The following MAP3K19 variants were observed in gnomAD, a reference collection of about 807,000 sequenced individuals.
The protein encoded by MAP3K19 is mitogen-activated protein kinase kinase kinase 19, also known as SPS1/STE20-related protein kinase YSK4.
A neutral mutation model predicts 114.4 loss-of-function variants in MAP3K19; 91 were observed. The observed-to-expected ratio is 0.80, with a 90% CI of 0.67 to 0.95. The LOEUF (loss-of-function observed/expected upper bound fraction) is 0.95. Ranked by LOEUF, MAP3K19 falls within the 40% of genes least tolerant of loss-of-function variation. MAP3K19 has a pLI of 0.00. For missense variants in MAP3K19, 1,471 were observed against 1,573.2 expected (o/e 0.94, Z 1.10); for synonymous variants, 518 against 530.5 (o/e 0.98, Z 0.32).
chr2:134,982,558 C>T (rs1471787199), intron 11 of MAP3K19, among the ~76,000 whole-genome samples: 1 of 151,714 alleles, frequency 6.6e-6, no homozygotes, highest in Non-Finnish European at 1.5e-5. Context: ...ACCATATGGC[C>T]AGTCTAGTCT....
chr2:135,003,371 G>A (rs1429030550), intron 6 of MAP3K19, among the ~76,000 whole-genome samples: 1 of 152,068 alleles, frequency 6.6e-6, no homozygotes, highest in Non-Finnish European at 1.5e-5. Flanking sequence ...ACCAAGAGTA[G>A]GTTCTTGTAT....
chr2:135,013,267 C>T (rs1481645241), intron 5 of MAP3K19, among the ~76,000 whole-genome samples: 1 of 151,446 alleles, frequency 6.6e-6, no homozygotes, highest in Non-Finnish European at 1.5e-5. Flanking sequence ...TTGCAGTGAG[C>T]CAAGATCGCG....
intron 8 of MAP3K19, among the ~76,000 whole-genome samples, chr2:134,992,026 G>T (rs189475989): frequency 2.7e-3 from 405 of 152,302 alleles, no homozygotes; most frequent in Non-Finnish European, 3.8e-3. Context: ...TTTCCCTCCA[G>T]AGAAGGAGAG....
At chr2:134,979,696 T>C (rs910402603) in intron 12 of MAP3K19, among the ~76,000 whole-genome samples, 12 of 148,672 alleles carry the variant, frequency 8.1e-5, no homozygotes, top group African/African-American at 3.0e-4. Flanking sequence ...TGGGGCTCTG[T>C]CCACAAAATC....
At chr2:135,045,641 G>A (rs1280222005) in intron 1 of MAP3K19, among the ~76,000 whole-genome samples, 1 of 152,102 alleles carries the variant, frequency 6.6e-6, no homozygotes, top group African/African-American at 2.4e-5. Flanking sequence ...GCAATGTTAT[G>A]GAGTTGTAAT....
At chr2:135,024,028 C>T (rs764567952) in intron 4 of MAP3K19, among the ~76,000 whole-genome samples, 1 of 152,078 alleles carries the variant, frequency 6.6e-6, no homozygotes, top group Non-Finnish European at 1.5e-5. Context: ...TTCTTGTTTG[C>T]CCCTGGGATA....
intron 2 of MAP3K19, among the ~76,000 whole-genome samples, chr2:135,037,810 G>A (rs1688564673): frequency 6.6e-6 from 1 of 152,144 alleles, no homozygotes; most frequent in South Asian, 2.1e-4. Context: ...ATGTTCAGGG[G>A]TCACCTGGTC....
chr2:135,034,692 G>C (rs1342803244), intron 2 of MAP3K19, among the ~76,000 whole-genome samples: 2 of 142,698 alleles, frequency 1.4e-5, no homozygotes, highest in African/African-American at 2.7e-5. Flanking sequence ...ACAGGCACTC[G>C]GCAGGCTGAG....
At chr2:135,047,100 C>T (rs1688760010) in intron 1 of MAP3K19, 85 bp downstream of exon 1, 1 of 152,202 alleles carries the variant, frequency 6.6e-6, no homozygotes, top group South Asian at 2.1e-4. Context: ...CCAGGCATTC[C>T]TCCTCTGGGA....
intron 11 of MAP3K19, 82 bp downstream of exon 11, chr2:134,983,594 A>C: frequency 3.4e-6 from 3 of 872,308 alleles, no homozygotes; most frequent in Non-Finnish European, 5.0e-6. Flanking sequence ...AGCAGGGAGG[A>C]TGACTGGGGG....
chr2:135,028,381 C>A (rs1376565589), intron 3 of MAP3K19, among the ~76,000 whole-genome samples: 1 of 151,924 alleles, frequency 6.6e-6, no homozygotes, highest in African/African-American at 2.4e-5. Context: ...CATGGCAAAA[C>A]CCCATCTCTA....
At chr2:134,971,069 CTATTATATTGAGG>C (rs1683845993) in intron 12 of MAP3K19, among the ~76,000 whole-genome samples, 1 of 152,054 alleles carries the variant, frequency 6.6e-6, no homozygotes, top group Non-Finnish European at 1.5e-5. Flanking sequence ...CATATATGGC[CTATTATATTGAGG>C]TATGTTCTTT....
intron 12 of MAP3K19, among the ~76,000 whole-genome samples, chr2:134,967,717 C>A (rs982834529): frequency 2.0e-5 from 3 of 152,122 alleles, no homozygotes; most frequent in African/African-American, 7.2e-5. Flanking sequence ...TTCCTTTTTG[C>A]TAAAATAATA....
chr2:135,042,848 G>A (rs1362363039), intron 1 of MAP3K19, among the ~76,000 whole-genome samples: 4 of 152,170 alleles, frequency 2.6e-5, no homozygotes, highest in Non-Finnish European at 5.9e-5. Flanking sequence ...TTGGGAGGCC[G>A]AGGGGAGGGG....
chr2:134,990,666 G>A (rs192616493), intron 9 of MAP3K19, among the ~76,000 whole-genome samples: 92 of 151,952 alleles, frequency 6.1e-4, no homozygotes, highest in African/African-American at 1.9e-3. Flanking sequence ...TAGTAGAGAC[G>A]GAGTTTCACC....
At chr2:135,012,963 GT>G (rs1179111764) in intron 5 of MAP3K19, among the ~76,000 whole-genome samples, 1 of 152,040 alleles carries the variant, frequency 6.6e-6, no homozygotes, top group Non-Finnish European at 1.5e-5. Context: ...TTGTTTGTTT[GT>G]TTGTATGTTT....
At chr2:135,043,239 TGA>T (rs1688680645) in intron 1 of MAP3K19, among the ~76,000 whole-genome samples, 1 of 152,002 alleles carries the variant, frequency 6.6e-6, no homozygotes, top group Non-Finnish European at 1.5e-5. Flanking sequence ...AGACAATAGA[TGA>T]GGTCAGCAGC....
Position 134,983,223 on chromosome 2 carries a change from A to G in MAP3K19, c.3222+453T>C, listed in dbSNP as rs182063240. 5.7e-4 allele frequency: 304 copies of G among 534,068 alleles called. 2 individuals are homozygous for G. The Admixed American group carries it at 5.8e-3, about 10-fold the overall frequency. 33.1% of individuals were successfully genotyped at this position (534,068 alleles called of 1,614,324 possible). Reference sequence around the variant, plus strand: ...CCCCAAGATCTCTTATGCAGTTCACAAAATGGAAGGAACATCTTTTGTTTT... The same window carrying G: ...CCCCAAGATCTCTTATGCAGTTCACGAAATGGAAGGAACATCTTTTGTTTT... On this transcript the variant is annotated intron_variant, in intron 11 of 12. Transcript: ENST00000392915.
chr2:135,004,087 C>T (rs1197480920), intron 6 of MAP3K19, among the ~76,000 whole-genome samples: 5 of 152,120 alleles, frequency 3.3e-5, no homozygotes, highest in Non-Finnish European at 7.4e-5. Context: ...AGTATTATGG[C>T]TCCCATATGA....
Sources: allele counts gnomAD v4.1 joint callset (sites outside exome capture counted in the v4.1 genomes callset), GRCh38; gene constraint gnomAD v4.1.1; transcripts MANE v1.5; gene names NCBI Gene and HGNC (gene_info 2026-07-23, HGNC 2026-07-21).